The following CACNA1I variants were observed in gnomAD, a reference collection of about 807,000 sequenced individuals.
CACNA1I encodes calcium voltage-gated channel subunit alpha1 I, also known as voltage-dependent T-type calcium channel subunit alpha-1I.
CACNA1I carries 74 observed loss-of-function variants against 201.6 expected under a neutral mutation model. The observed-to-expected ratio is 0.37, with a 90% CI of 0.30 to 0.45. The LOEUF (loss-of-function observed/expected upper bound fraction) is 0.45. Among genes scored for constraint, CACNA1I ranks in the 20% least tolerant of loss-of-function variants. The probability of loss-of-function intolerance (pLI) is 1.00; values close to 1 mark genes in which losing one functional copy is unlikely to be tolerated. For synonymous variants in CACNA1I, 1,431 were observed against 1,345.2 expected (o/e 1.06, Z -1.40); for missense variants, 2,346 against 3,138.1 (o/e 0.75, Z 6.03).
At chr22:39,661,847 C>G (rs1014466309) in intron 16 of CACNA1I, 118 bp from the exon 17 acceptor site, 1 of 613,008 alleles carries the variant, frequency 1.6e-6, no homozygotes, top group East Asian at 3.2e-5. Flanking sequence ...TTCCATCACC[C>G]GCTGGCCAGG....
Position 39,630,502 on chromosome 22 carries a change from C to T in CACNA1I, c.581-4063C>T, listed in dbSNP as rs117937219. 4.3e-3 allele frequency among the ~76,000 whole-genome samples: 654 copies of T among 152,340 alleles called. 4 individuals carry two copies. Among genetic ancestry groups the T allele is most frequent in the South Asian group, 0.013 (61 of 4,828 alleles). On this transcript the variant is annotated intron_variant, in intron 4 of 36. Transcript: ENST00000402142. ...TGAGTGGCTCCATTCACTCGCCCACCGCTCCTTTACTCATTCAAGCTGTCG... is the reference window on the plus strand; with the variant it reads ...TGAGTGGCTCCATTCACTCGCCCACTGCTCCTTTACTCATTCAAGCTGTCG...
chr22:39,601,596 G>T (rs1409396239), intron 3 of CACNA1I, among the ~76,000 whole-genome samples: 1 of 152,028 alleles, frequency 6.6e-6, no homozygotes, highest in Non-Finnish European at 1.5e-5. Context: ...GTGAGTGTGT[G>T]TGTCAGTGTA....
chr22:39,614,657 C>T (rs1369168220), intron 3 of CACNA1I, among the ~76,000 whole-genome samples: 1 of 152,204 alleles, frequency 6.6e-6, no homozygotes, highest in Non-Finnish European at 1.5e-5. Context: ...GGCATGGGAT[C>T]CTCTGGTGGA....
chr22:39,632,507 A>T (rs995740334), intron 4 of CACNA1I, among the ~76,000 whole-genome samples: 35 of 145,106 alleles, frequency 2.4e-4, no homozygotes, highest in African/African-American at 8.7e-4. Context: ...GAGCGGCCCC[A>T]CTCCCCAGAC....
At chr22:39,635,464 G>A (rs574501229) in intron 5 of CACNA1I, among the ~76,000 whole-genome samples, 4 of 152,308 alleles carry the variant, frequency 2.6e-5, no homozygotes, top group African/African-American at 7.2e-5. Context: ...GCGTGGGGAC[G>A]TGGGGACACT....
intron 6 of CACNA1I, among the ~76,000 whole-genome samples, chr22:39,641,853 G>C (rs9619823): frequency 0.035 from 5,275 of 151,806 alleles, 294 homozygotes; most frequent in African/African-American, 0.12. Context: ...TGGCCTCTCT[G>C]TGCCTCAGTT....
intron 3 of CACNA1I, among the ~76,000 whole-genome samples, chr22:39,606,431 A>G (rs1010221911): frequency 1.3e-4 from 20 of 152,220 alleles, no homozygotes; most frequent in Non-Finnish European, 2.6e-4. Context: ...GCACTCGCAC[A>G]GCTCAGGATA....
chr22:39,570,849 T>C lies in CACNA1I; in HGVS notation c.97T>C (p.Ser33Pro). The C allele has an allele frequency of 6.2e-7, 1 of 1,613,170 alleles. No individual in the cohort carries two copies. The highest frequency in any genetic ancestry group is 2.2e-5 in the East Asian group (1 of 44,864). ...GCAGCCCGGACCCCGGAGCCCCCCA[T>C]CCTCCCCGCCAGGCCTGGAGGAGCC... is the stretch of plus-strand genomic sequence containing the variant. Reference protein sequence around the residue: ...TEQPGPRSPPSSPPGLEEPLD... With the variant: ...TEQPGPRSPPPSPPGLEEPLD... Residue 33 changes from serine (S) to proline (P), a missense_variant, in exon 1 of 37, where the codon TCC (serine) becomes CCC (proline). By Grantham distance (74) the Ser-to-Pro change is moderately conservative. Around this residue, in one of 13 missense-constraint regions of CACNA1I, gnomAD observed 130 missense variants for 160.7 expected, o/e 0.81. Coordinates refer to ENST00000402142, the MANE Select transcript of CACNA1I (RefSeq NM_021096.4).
At chr22:39,619,770 G>T (rs1933672659) in intron 4 of CACNA1I, among the ~76,000 whole-genome samples, 1 of 152,118 alleles carries the variant, frequency 6.6e-6, no homozygotes, top group Non-Finnish European at 1.5e-5. Context: ...TTTGAAGGAG[G>T]ACGTCGTAGA....
chr22:39,578,563 G>T (rs1601789815), intron 1 of CACNA1I, among the ~76,000 whole-genome samples: 1 of 151,982 alleles, frequency 6.6e-6, no homozygotes, highest in Admixed American at 6.5e-5. Flanking sequence ...GTGTGACCTT[G>T]GCAGTCACCT....
chr22:39,600,484 AC>A (rs748370968), intron 2 of CACNA1I, 35 bp from the exon 3 acceptor site: 3 of 1,590,048 alleles, frequency 1.9e-6, no homozygotes, highest in South Asian at 2.2e-5. Context: ...CTGCAACCTC[AC>A]CCTGTCCCTT....
At position 39,659,082 on chromosome 22, in the gene CACNA1I, T is replaced by C; in HGVS notation, c.2296T>C (p.Cys766Arg). 2 of 1,613,418 alleles carry C rather than the reference T, an allele frequency of 1.2e-6. No individual in the cohort carries two copies. The highest frequency in any genetic ancestry group is 1.7e-6 in the Non-Finnish European group (2 of 1,179,778). Residue 766 changes from cysteine (C) to arginine (R), a missense_variant, in exon 12 of 37, where the codon TGC (cysteine) becomes CGC (arginine). Cys to Arg is a radical substitution (Grantham distance 180). Around this residue, in one of 13 missense-constraint regions of CACNA1I, gnomAD observed 155 missense variants for 300.8 expected, o/e 0.52. Coordinates refer to ENST00000402142, the MANE Select transcript of CACNA1I (RefSeq NM_021096.4). This position sits in a 1 kb window ranked among gnomAD's most constrained non-coding sequence, Gnocchi z 4.3. ...GACCATGGACAACGTGGCCACCTTC[T>C]GCATGCTGCTCATGCTCTTCATCTT... Reference protein sequence around the residue: ...MKTMDNVATFCMLLMLFIFIF... With the variant: ...MKTMDNVATFRMLLMLFIFIF...
Position 39,661,158 on chromosome 22 carries a change from A to T in CACNA1I, c.2749A>T (p.Ser917Cys). 6.2e-7 allele frequency: 1 copy of T among 1,613,134 alleles called. No individual in the cohort carries two copies. Among genetic ancestry groups the T allele is most frequent in the Non-Finnish European group, 8.5e-7 (1 of 1,179,728 alleles). The stretch of plus-strand genomic sequence containing the variant: ...GACCCCCAATGGGCACCTGGACCCC[A>T]GTCTCCCACTGGGTGGGCACCTAGG... ...PMTPNGHLDPSLPLGGHLGPA... is the reference protein window; with the variant it reads ...PMTPNGHLDPCLPLGGHLGPA... The change falls in exon 16 of 37, where the codon AGT becomes TGT. Residue 917 changes from serine (S) to cysteine (C), a missense_variant. Physicochemically the swap from Ser to Cys is moderately radical, Grantham distance 112. Coordinates refer to ENST00000402142, the MANE Select transcript of CACNA1I (RefSeq NM_021096.4).
At chr22:39,653,947 C>A (rs189489886) in intron 10 of CACNA1I, among the ~76,000 whole-genome samples, 3 of 152,314 alleles carry the variant, frequency 2.0e-5, no homozygotes, top group Admixed American at 1.3e-4. Context: ...GAAATTCCCA[C>A]CCCCTGGGTA....
At chr22:39,678,201 C>T (rs1935575742) in intron 31 of CACNA1I, 93 bp downstream of exon 31, 2 of 1,428,210 alleles carry the variant, frequency 1.4e-6, no homozygotes, top group Non-Finnish European at 1.9e-6. Context: ...CCACCCAGGG[C>T]CCCACCACAC....
rs374298624 is a variant in CACNA1I at position 39,574,733 on chromosome 22, G to T, written c.236+3745G>T. Among the ~76,000 whole-genome samples the T allele has an allele frequency of 2.2e-4, 33 of 152,312 alleles. 2 individuals carry two copies. Among genetic ancestry groups the T allele is most frequent in the Admixed American group, 1.6e-3 (24 of 15,310 alleles). On this transcript the variant is annotated intron_variant, in intron 1 of 36. Coordinates refer to ENST00000402142, the MANE Select transcript of CACNA1I (RefSeq NM_021096.4). ...TTTCACATGTCTAGACCCTGCAAAGGGCGACTCTTTCCCCCACTGAGAACC... is the reference window on the plus strand; with the variant it reads ...TTTCACATGTCTAGACCCTGCAAAGTGCGACTCTTTCCCCCACTGAGAACC...
At chr22:39,632,237 G>A (rs1416151382) in intron 4 of CACNA1I, among the ~76,000 whole-genome samples, 3 of 152,176 alleles carry the variant, frequency 2.0e-5, no homozygotes, top group Non-Finnish European at 2.9e-5. Context: ...TTCTCCAGCT[G>A]CTACCGGCCC....
intron 4 of CACNA1I, among the ~76,000 whole-genome samples, chr22:39,626,258 C>A (rs1317159859): frequency 6.6e-6 from 1 of 152,234 alleles, no homozygotes; most frequent in Admixed American, 6.5e-5. Context: ...CCATGTCCAT[C>A]TGGTTAGGAA....
chr22:39,610,810 C>T (rs1270796598), intron 3 of CACNA1I, among the ~76,000 whole-genome samples: 1 of 152,188 alleles, frequency 6.6e-6, no homozygotes, highest in Non-Finnish European at 1.5e-5. Flanking sequence ...TGGCAGGCAG[C>T]TCGGGGCTCA....
Sources: allele counts gnomAD v4.1 joint callset (sites outside exome capture counted in the v4.1 genomes callset), GRCh38; gene constraint gnomAD v4.1.1; regional missense constraint gnomAD v4.1.1; non-coding constraint Gnocchi (gnomAD v3.1); transcripts MANE v1.5; gene names NCBI Gene and HGNC (gene_info 2026-07-23, HGNC 2026-07-21).